STK3: variants seen among roughly 807,000 people sequenced by gnomAD.
The protein encoded by STK3 is serine/threonine-protein kinase 3.
In STK3, 41 loss-of-function variants were observed where a neutral mutation model predicts 58.0. That is an observed-to-expected ratio of 0.71 (90% CI 0.55 to 0.92). The LOEUF is 0.92. Among genes scored for constraint, STK3 ranks in the 40% least tolerant of loss-of-function variants. STK3 has a pLI of 0.00. For missense variants in STK3, 479 were observed against 602.7 expected (o/e 0.79, Z 2.15); for synonymous variants, 170 against 191.0 (o/e 0.89, Z 0.91).
intron 3 of STK3, among the ~76,000 whole-genome samples, chr8:98,842,033 C>T (rs1006191601): frequency 6.6e-6 from 1 of 151,822 alleles, no homozygotes; most frequent in African/African-American, 2.4e-5. Flanking sequence ...AGATAGCATT[C>T]ACAAATATAA....
chr8:98,606,553 C>G (rs981639528), intron 6 of STK3, among the ~76,000 whole-genome samples: 1 of 152,180 alleles, frequency 6.6e-6, no homozygotes. Flanking sequence ...ATGTAATTAG[C>G]AGGTTAGTAT....
At chr8:98,593,843 G>C (rs1815555145) in intron 7 of STK3, among the ~76,000 whole-genome samples, 1 of 151,984 alleles carries the variant, frequency 6.6e-6, no homozygotes, top group Non-Finnish European at 1.5e-5. Flanking sequence ...TGGTTCCTAG[G>C]CTTCCTGCTA....
chr8:98,365,004 G>T, the STK3 span, among the ~76,000 whole-genome samples: 1 of 152,092 alleles, frequency 6.6e-6, no homozygotes, highest in Admixed American at 6.5e-5. Flanking sequence ...TCCCTTTAGC[G>T]TTGGGGTAGT....
rs998735488 is a variant in STK3 at position 98,428,967 on chromosome 8, G to C, written n.483+5160C>G. 14 of 1,614,022 alleles carry C rather than the reference G, an allele frequency of 8.7e-6. No individual in the cohort carries two copies. The highest frequency in any genetic ancestry group is 4.0e-5 in the African/African-American group (3 of 74,922). On this transcript the variant is annotated intron_variant and non_coding_transcript_variant, in intron 3 of 3. Transcript: ENST00000517832. This position sits in a 1 kb window ranked among gnomAD's most constrained non-coding sequence, Gnocchi z 6.7. ...TTTGAAATACAGCTACAAAGAAGTAGGGCTGCTCTTGCTCTACCTCTCCGT... is the reference window on the plus strand; with the variant it reads ...TTTGAAATACAGCTACAAAGAAGTACGGCTGCTCTTGCTCTACCTCTCCGT...
chr8:98,370,493 G>A (rs1035981591), downstream of STK3, among the ~76,000 whole-genome samples: 51 of 151,944 alleles, frequency 3.4e-4, no homozygotes, highest in Admixed American at 2.0e-4. Flanking sequence ...CTGAAAAGCC[G>A]AAATATGCTA....
At chr8:98,807,481 C>G (rs1335167572) in intron 1 of STK3, among the ~76,000 whole-genome samples, 1 of 152,114 alleles carries the variant, frequency 6.6e-6, no homozygotes, top group Non-Finnish European at 1.5e-5. Flanking sequence ...TGGTCTCAAA[C>G]TCCTGGCCTC....
chr8:98,562,954 T>A (rs1187289077), intron 8 of STK3, among the ~76,000 whole-genome samples: 3 of 143,852 alleles, frequency 2.1e-5, no homozygotes, highest in Admixed American at 7.1e-5. Context: ...ACCCAATGTA[T>A]GCAAAATTAA....
In STK3 at chr8:98,825,541, G is replaced by A. The variant is rs1174955552; in HGVS notation, c.-1C>T. The A allele has an allele frequency of 6.2e-6, 9 of 1,457,468 alleles. No individual in the cohort carries two copies. The South Asian group carries it at 1.0e-4, about 17-fold the overall frequency. The allele number at this position is 1,457,468 out of a possible 1,614,324, so 90.3% of individuals were successfully genotyped here. On this transcript the variant is annotated 5_prime_UTR_variant, in exon 1 of 11. Transcript: ENST00000419617. ...TCTTAGGCGCCGGCGGCTGCTCCAT[G>A]GCGGCCGGGGACAGAGAGAGGGACC...
At position 98,759,951 on chromosome 8, in the gene STK3, T is replaced by C. The variant is rs539632924; in HGVS notation, c.236+7292A>G. On this transcript the variant is annotated intron_variant, in intron 3 of 10. Transcript: ENST00000419617. ...ACATCCTCCAGTATACTTTAAATCA[T>C]GTCTAGATTACTTATTACACCTAAT... Among the ~76,000 whole-genome samples, 7 of 152,304 alleles carry C rather than the reference T, an allele frequency of 4.6e-5. No homozygotes were observed. In the South Asian group the frequency reaches 1.0e-3, roughly 23 times the overall value.
At chr8:98,822,624 G>A (rs1434728303) in intron 1 of STK3, among the ~76,000 whole-genome samples, 1 of 152,172 alleles carries the variant, frequency 6.6e-6, no homozygotes, top group Non-Finnish European at 1.5e-5. Flanking sequence ...AGGCTTTGAT[G>A]GAAGAATAAA....
At chr8:98,670,609 C>T (rs936959132) in intron 6 of STK3, among the ~76,000 whole-genome samples, 3 of 152,088 alleles carry the variant, frequency 2.0e-5, no homozygotes, top group African/African-American at 7.2e-5. Flanking sequence ...AGAGAGAGAA[C>T]TTCTATTTCT....
At chr8:98,929,604 C>T (rs1372664001) in intron 1 of STK3, among the ~76,000 whole-genome samples, 2 of 152,142 alleles carry the variant, frequency 1.3e-5, no homozygotes, top group Non-Finnish European at 2.9e-5. Context: ...GAGCCAAGAT[C>T]ACACTACTGT....
chr8:98,441,187 T>TCCCTG (rs1362458765), intron 1 of STK3, among the ~76,000 whole-genome samples: 1 of 152,188 alleles, frequency 6.6e-6, no homozygotes, highest in African/African-American at 2.4e-5. Flanking sequence ...CTAAACTCAG[T>TCCCTG]CCCTGCTCCA....
chr8:98,709,199 T>G (rs1826202572), intron 4 of STK3, among the ~76,000 whole-genome samples: 1 of 152,132 alleles, frequency 6.6e-6, no homozygotes, highest in Non-Finnish European at 1.5e-5. Context: ...GGAAAATGTC[T>G]GTGAAAATTG....
the STK3 span, among the ~76,000 whole-genome samples, chr8:98,344,993 G>C: frequency 2.0e-5 from 3 of 151,240 alleles, no homozygotes; most frequent in Non-Finnish European, 4.4e-5. Flanking sequence ...CAAGGCAGGT[G>C]AAAGCTTGAA....
chr8:98,706,608 T>G lies in STK3; in HGVS notation c.543A>C (p.Val181=). 1.9e-6 allele frequency: 3 copies of G among 1,609,554 alleles called. No individual in the cohort carries two copies. Among genetic ancestry groups the G allele is most frequent in the Non-Finnish European group, 2.5e-6 (3 of 1,178,494 alleles). The change falls in exon 6 of 11, where the codon GTA becomes GTC. Residue 181 remains valine (V), a synonymous_variant. Transcript: ENST00000419617. ...GAGCCATCCAAAATGGAGTTCCTAT[T>G]ACAGTATTGCGTTTTGCCATTGTAT... ...LTDTMAKRNT[V]IGTPFWMAPE...
At chr8:98,605,108 AG>A (rs1308176779) in intron 6 of STK3, among the ~76,000 whole-genome samples, 2 of 152,134 alleles carry the variant, frequency 1.3e-5, no homozygotes, top group Non-Finnish European at 2.9e-5. Context: ...CAAGTCTCTA[AG>A]AAGTTCCAAA....
intron 7 of STK3, among the ~76,000 whole-genome samples, chr8:98,585,214 T>C (rs1341612643): frequency 1.3e-5 from 2 of 151,276 alleles, no homozygotes; most frequent in African/African-American, 2.4e-5. Flanking sequence ...TCTTCTAGGG[T>C]TTTTATGGTT....
intron 4 of STK3, among the ~76,000 whole-genome samples, chr8:98,730,464 T>A (rs1394865427): frequency 6.6e-6 from 1 of 152,170 alleles, no homozygotes; most frequent in Non-Finnish European, 1.5e-5. Context: ...ATATCTGTAA[T>A]CCCAGCACTT....
Sources: gnomAD v4.1 joint callset for allele counts (sites outside exome capture counted in the v4.1 genomes callset) on GRCh38, gnomAD v4.1.1 for gene constraint, Gnocchi (gnomAD v3.1) non-coding constraint, MANE v1.5 for transcripts, NCBI Gene and HGNC (gene_info 2026-07-23, HGNC 2026-07-21) for gene names.